Variants in SHANK2 observed in about 807,000 individuals in gnomAD.
SHANK2 encodes SH3 and multiple ankyrin repeat domains 2, also known as SH3 and multiple ankyrin repeat domains protein 2.
Under a neutral mutation model 133.7 loss-of-function variants are expected in SHANK2, and 43 were observed. The observed-to-expected ratio is 0.32, with a 90% CI of 0.25 to 0.41. SHANK2 has a LOEUF of 0.41. SHANK2 is among the 10% of genes least tolerant of loss of function. The probability of loss-of-function intolerance (pLI) is 1.00; values close to 1 mark genes in which losing one functional copy is unlikely to be tolerated. For missense variants in SHANK2, 1,994 were observed against 2,235.8 expected, an observed-to-expected ratio of 0.89 and a Z score of 2.18; for synonymous variants, 1,017 against 952.8, an observed-to-expected ratio of 1.07 and a Z score of -1.24.
At chr11:71,244,398 C>A (rs570923073) in intron 1 of SHANK2, among the ~76,000 whole-genome samples, 1 of 152,376 alleles carries the variant, frequency 6.6e-6, no homozygotes, top group South Asian at 2.1e-4. Context: ...GCACAGCCAG[C>A]TTTCAAACGG....
intron 14 of SHANK2, among the ~76,000 whole-genome samples, chr11:70,789,755 C>T (rs1449141104): frequency 1.3e-5 from 2 of 152,294 alleles, no homozygotes; most frequent in East Asian, 3.9e-4. Context: ...TGTGAGGCCC[C>T]CACTCCTACC....
chr11:70,843,165 G>C (rs1244388205), intron 11 of SHANK2, among the ~76,000 whole-genome samples: 4 of 149,378 alleles, frequency 2.7e-5, no homozygotes, highest in African/African-American at 9.8e-5. Flanking sequence ...GGCTGCAGTG[G>C]AGATGCTCAG....
intron 17 of SHANK2, among the ~76,000 whole-genome samples, chr11:70,565,244 C>CATCA (rs1280441388): frequency 6.6e-6 from 1 of 151,908 alleles, no homozygotes; most frequent in East Asian, 1.9e-4. Context: ...TCCATCCATC[C>CATCA]ATCCATTTAT....
intron 1 of SHANK2, among the ~76,000 whole-genome samples, chr11:71,227,432 A>G (rs1156767561): frequency 6.6e-6 from 1 of 152,186 alleles, no homozygotes; most frequent in Non-Finnish European, 1.5e-5. Context: ...CTATGTTAAT[A>G]TTAGATAAAG....
intron 17 of SHANK2, among the ~76,000 whole-genome samples, chr11:70,582,700 C>A (rs1449299163): frequency 6.6e-6 from 1 of 152,180 alleles, no homozygotes; most frequent in Non-Finnish European, 1.5e-5. Flanking sequence ...GGGGCCTTAT[C>A]CCAGAGATGA....
chr11:70,647,009 C>A (rs1224262278), intron 17 of SHANK2, among the ~76,000 whole-genome samples: 2 of 151,852 alleles, frequency 1.3e-5, no homozygotes, highest in Non-Finnish European at 2.9e-5. Flanking sequence ...CTACAGGTGT[C>A]CGCCACCATG....
At chr11:70,810,587 A>G (rs1191866549) in intron 12 of SHANK2, among the ~76,000 whole-genome samples, 1 of 152,232 alleles carries the variant, frequency 6.6e-6, no homozygotes, top group Non-Finnish European at 1.5e-5. Context: ...GCTGGCGGCC[A>G]TCATGGGCTC....
intron 2 of SHANK2, among the ~76,000 whole-genome samples, chr11:71,201,323 G>A (rs556777016): frequency 2.6e-5 from 4 of 152,352 alleles, no homozygotes; most frequent in East Asian, 1.9e-4. Context: ...TATGGGATCC[G>A]TTGTGATCCC....
At chr11:70,738,070 T>C (rs1209002283) in intron 14 of SHANK2, among the ~76,000 whole-genome samples, 4 of 152,232 alleles carry the variant, frequency 2.6e-5, no homozygotes, top group African/African-American at 9.6e-5. Context: ...CGCAAGACGG[T>C]GGCAAGAGCT....
intron 6 of SHANK2, among the ~76,000 whole-genome samples, chr11:71,095,067 G>A (rs1362383537): frequency 1.3e-5 from 2 of 152,216 alleles, no homozygotes; most frequent in Admixed American, 6.5e-5. Context: ...CATTAGAGAT[G>A]GGAAAGGCAG....
At position 71,058,262 on chromosome 11, in the gene SHANK2, G is replaced by A. The variant is rs946236380; in HGVS notation, c.1030-1704C>T. 4.6e-3 allele frequency among the ~76,000 whole-genome samples: 708 copies of A among 152,266 alleles called. 2 individuals carry two copies. The highest frequency in any genetic ancestry group is 0.016 in the African/African-American group (683 of 41,554). ...TTGATTGGGCAGCTACCATTTGCCC[G>A]TGAAGCTGATGGAGAACTTCTCGCC... On this transcript the variant is annotated intron_variant, in intron 9 of 25. Transcript: ENST00000601538.
intron 14 of SHANK2, among the ~76,000 whole-genome samples, chr11:70,704,216 T>C (rs1945610661): frequency 1.3e-5 from 2 of 152,274 alleles, no homozygotes; most frequent in African/African-American, 4.8e-5. Flanking sequence ...CAGCCATGCC[T>C]GGCTTCTCAC....
intron 17 of SHANK2, among the ~76,000 whole-genome samples, chr11:70,534,468 A>G (rs1253527440): frequency 1.3e-5 from 2 of 152,184 alleles, no homozygotes; most frequent in Admixed American, 6.5e-5. Flanking sequence ...CAGCCAAACC[A>G]TATCAGGCAG....
chr11:70,724,729 C>A (rs1946144785), intron 14 of SHANK2, among the ~76,000 whole-genome samples: 1 of 152,236 alleles, frequency 6.6e-6, no homozygotes, highest in African/African-American at 2.4e-5. Flanking sequence ...GCTCTCTGGG[C>A]AGCCTTGTGT....
At chr11:70,693,982 G>A (rs551529574) in intron 15 of SHANK2, among the ~76,000 whole-genome samples, 17 of 152,116 alleles carry the variant, frequency 1.1e-4, no homozygotes, top group African/African-American at 3.1e-4. Context: ...AGTGGATGGC[G>A]GGAAGGATGG....
intron 10 of SHANK2, among the ~76,000 whole-genome samples, chr11:70,906,499 C>T (rs367725765): frequency 8.5e-5 from 13 of 152,224 alleles, no homozygotes; most frequent in African/African-American, 3.1e-4. Flanking sequence ...ACCGCCCCGA[C>T]GAAGCCTCCT....
intron 14 of SHANK2, among the ~76,000 whole-genome samples, chr11:70,761,427 T>G (rs560539709): frequency 2.4e-4 from 36 of 152,272 alleles, no homozygotes; most frequent in Non-Finnish European, 4.4e-4. Context: ...TCGATTGTGT[T>G]TGTTTCAGCA....
intron 11 of SHANK2, among the ~76,000 whole-genome samples, chr11:70,822,246 G>A (rs1245640338): frequency 6.6e-6 from 1 of 152,250 alleles, no homozygotes; most frequent in East Asian, 1.9e-4. Flanking sequence ...TGGCTCCGAA[G>A]TTTCCACTGC....
rs1411587783 is a variant in SHANK2, at chr11:70,641,029, A to G, written c.2061+18799T>C. On this transcript the variant is annotated intron_variant, in intron 17 of 25. Coordinates refer to ENST00000601538, the MANE Select transcript of SHANK2 (RefSeq NM_012309.5). ...CCTCCCTGATGAAAAATAACAATAGATCGTGTACAGAATTTTTAAAATTCT... is the reference window on the plus strand; with the variant it reads ...CCTCCCTGATGAAAAATAACAATAGGTCGTGTACAGAATTTTTAAAATTCT... Among the ~76,000 whole-genome samples, 16 of 150,794 alleles carry G rather than the reference A, an allele frequency of 1.1e-4. No homozygotes were observed. In the South Asian group the frequency reaches 1.3e-3, roughly 12 times the overall value.
Sources: gnomAD v4.1 joint callset for allele counts (sites outside exome capture counted in the v4.1 genomes callset) on GRCh38, gnomAD v4.1.1 for gene constraint, MANE v1.5 for transcripts, NCBI Gene and HGNC (gene_info 2026-07-23, HGNC 2026-07-21) for gene names.